Variants in KIF11 observed in about 807,000 individuals in gnomAD.
The protein encoded by KIF11 is kinesin-like protein KIF11.
Under a neutral mutation model 121.0 loss-of-function variants are expected in KIF11, and 9 were observed. That is an observed-to-expected ratio of 0.07 (90% CI 0.04 to 0.13). The LOEUF (loss-of-function observed/expected upper bound fraction) is 0.13, where lower values mean the gene tolerates loss of function less well. Ranked by LOEUF, KIF11 falls within the 10% of genes least tolerant of loss-of-function variation. The pLI, the probability that KIF11 is intolerant of heterozygous loss-of-function variation, is 1.00. For synonymous variants in KIF11, 408 were observed against 421.0 expected (o/e 0.97, Z 0.38); for missense variants, 846 against 1,217.5 (o/e 0.69, Z 4.54).
intron 10 of KIF11, among the ~76,000 whole-genome samples, chr10:92,622,104 C>T (rs1844623606): frequency 1.3e-5 from 2 of 151,714 alleles, no homozygotes; most frequent in Non-Finnish European, 2.9e-5. Context: ...GGAGAAACCC[C>T]ATCACTACTA....
chr10:92,624,530 C>T (rs1844651222), intron 10 of KIF11, among the ~76,000 whole-genome samples: 1 of 152,068 alleles, frequency 6.6e-6, no homozygotes, highest in East Asian at 1.9e-4. Flanking sequence ...TGTGCCACTG[C>T]ACCCAGCCAT....
chr10:92,606,402 CAT>C lies in KIF11; in HGVS notation c.210+8_210+9del, dbSNP rs1844431450. The C allele has an allele frequency of 1.3e-6, 2 of 1,584,456 alleles. No individual in the cohort carries two copies. The highest frequency in any genetic ancestry group is 1.7e-6 in the Non-Finnish European group (2 of 1,171,172). Reference sequence around the variant, plus strand: ...AAAACATACACTTTTGATATGGTAACATATGGTGCAATTTCTTTATTATCCAC... The same window carrying C: ...AAAACATACACTTTTGATATGGTAACATGGTGCAATTTCTTTATTATCCAC... On this transcript the variant is annotated splice_donor_region_variant and intron_variant, in intron 2 of 21. Transcript: ENST00000260731.
intron 8 of KIF11, among the ~76,000 whole-genome samples, chr10:92,615,842 G>GTTTTTTTTTT (rs71481176): frequency 1.5e-5 from 2 of 129,976 alleles, no homozygotes; most frequent in Non-Finnish European, 3.3e-5. Flanking sequence ...GGATTTTTTT[G>GTTTTTTTTTT]TTTTTTTTTT....
Position 92,607,029 on chromosome 10 carries a change from G to A in KIF11, c.309-130G>A, listed in dbSNP as rs189716762. ...GGACCTCAGGTGATCCGCCCACCTC[G>A]GCCTCCCAAAGTGTTGGGATTATAG... On this transcript the variant is annotated intron_variant, in intron 3 of 21. Transcript: ENST00000260731. The A allele has an allele frequency of 2.2e-4, 139 of 627,466 alleles. No homozygotes were observed. In the Middle Eastern group the frequency reaches 2.6e-3, roughly 12 times the overall value. 38.9% of individuals were successfully genotyped at this position (627,466 alleles called of 1,614,324 possible).
At chr10:92,618,822 T>C (rs918971472) in intron 9 of KIF11, among the ~76,000 whole-genome samples, 1 of 152,260 alleles carries the variant, frequency 6.6e-6, no homozygotes, top group African/African-American at 2.4e-5. Context: ...TATAGGTTCA[T>C]GTATTTACCA....
At chr10:92,652,397 C>T (rs180752403) in intron 21 of KIF11, among the ~76,000 whole-genome samples, 18 of 152,248 alleles carry the variant, frequency 1.2e-4, no homozygotes, top group Admixed American at 5.2e-4. Context: ...GCCTCGGCCT[C>T]CCAAAGTGCT....
chr10:92,616,654 G>T, intron 8 of KIF11, 83 bp from the exon 9 acceptor site: 1 of 675,578 alleles, frequency 1.5e-6, no homozygotes, highest in South Asian at 1.9e-5. Context: ...TTACTTGTAA[G>T]TTATTATATA....
At chr10:92,601,708 AT>A (rs35982149) in intron 1 of KIF11, among the ~76,000 whole-genome samples, 22,357 of 141,730 alleles carry the variant, frequency 0.16, 3,443 homozygotes, top group African/African-American at 0.41. Flanking sequence ...TAAAAAAATA[AT>A]TTTTTTTTTT....
rs934042053 is a variant in KIF11 at position 92,645,536 on chromosome 10, A to T, written c.2441A>T (p.Glu814Val). 3 of 1,613,664 alleles carry T rather than the reference A, an allele frequency of 1.9e-6. No homozygotes were observed. Among genetic ancestry groups the T allele is most frequent in the Non-Finnish European group, 2.5e-6 (3 of 1,179,556 alleles). Residue 814 changes from glutamate (E) to valine (V), a missense_variant, in exon 18 of 22, where the codon GAG becomes GTG. Physicochemically the swap from Glu to Val is moderately radical, Grantham distance 121. Coordinates refer to ENST00000260731, the MANE Select transcript of KIF11 (RefSeq NM_004523.4). ...GGCAACCTGGAAAAAATATCTCAAGAGACTGAACAGAGATGTGAATCTCTG... is the reference window on the plus strand; with the variant it reads ...GGCAACCTGGAAAAAATATCTCAAGTGACTGAACAGAGATGTGAATCTCTG... ...LNGNLEKISQ[E>V]TEQRCESLNT... is the part of the protein sequence containing the mutation.
intron 10 of KIF11, among the ~76,000 whole-genome samples, chr10:92,627,510 CTTTTA>C (rs996294621): frequency 2.6e-5 from 4 of 152,216 alleles, no homozygotes; most frequent in South Asian, 2.1e-4. Flanking sequence ...ATATAGCATC[CTTTTA>C]TTTTATAGAT....
At chr10:92,606,502 G>A in intron 2 of KIF11, 105 bp downstream of exon 2, 1 of 1,192,028 alleles carries the variant, frequency 8.4e-7, no homozygotes, top group Non-Finnish European at 1.2e-6. Context: ...AGTTGTCTCT[G>A]AATTGTCAGA....
At position 92,609,176 on chromosome 10, in the gene KIF11, C is replaced by T; in HGVS notation, c.544C>T (p.Leu182=). Residue 182 remains leucine, a synonymous_variant, in exon 5 of 22, where the codon CTA becomes TTA. Transcript: ENST00000260731. ...LNPSSDVSER[L]QMFDDPRNKR... ...TCCATCATCTGATGTTTCTGAGAGA[C>T]TACAGATGTTTGATGATCCCCGTAA... 1 of 1,577,688 alleles carries T rather than the reference C, an allele frequency of 6.3e-7. No individual in the cohort carries two copies. The highest frequency in any genetic ancestry group is 1.4e-5 in the African/African-American group (1 of 73,090).
rs1564707747 is a variant in KIF11, at chr10:92,616,717, A to ACCTTT, written c.1033-12_1033-8dup. On this transcript the variant is annotated intron_variant, in intron 8 of 21. Coordinates refer to ENST00000260731, the MANE Select transcript of KIF11 (RefSeq NM_004523.4). ...ATTCTCACAATATCTTCAGTAATTG[A>ACCTTT]CCTTTCCTTTCCATGACAGGAAACT... The ACCTTT allele has an allele frequency of 3.1e-6, 4 of 1,296,108 alleles. No homozygotes were observed. In the South Asian group the frequency reaches 3.6e-5, roughly 12 times the overall value. 80.3% of individuals were successfully genotyped at this position (1,296,108 alleles called of 1,614,324 possible).
chr10:92,611,434 G>T (rs778761200), intron 6 of KIF11, among the ~76,000 whole-genome samples: 14 of 151,696 alleles, frequency 9.2e-5, no homozygotes, highest in Non-Finnish European at 1.5e-4. Flanking sequence ...GGTTGGTCTC[G>T]ATCTCCTGAC....
chr10:92,611,688 C>T (rs2135904156), intron 6 of KIF11, among the ~76,000 whole-genome samples: 1 of 152,168 alleles, frequency 6.6e-6, no homozygotes, highest in African/African-American at 2.4e-5. Flanking sequence ...CACTTGAGGT[C>T]CGGAGTTCAA....
chr10:92,603,056 C>T (rs1293856950), intron 1 of KIF11, among the ~76,000 whole-genome samples: 1 of 151,648 alleles, frequency 6.6e-6, no homozygotes, highest in East Asian at 2.0e-4. Flanking sequence ...CATCTACCTG[C>T]TTTTACTTCA....
chr10:92,638,741 A>G (rs1844834580), intron 16 of KIF11, among the ~76,000 whole-genome samples: 1 of 152,230 alleles, frequency 6.6e-6, no homozygotes, highest in Admixed American at 6.5e-5. Context: ...AGATAAATAT[A>G]ATACCTGCAT....
chr10:92,644,345 T>C (rs1366969415), intron 17 of KIF11, among the ~76,000 whole-genome samples: 2 of 152,114 alleles, frequency 1.3e-5, no homozygotes, highest in African/African-American at 4.8e-5. Context: ...AGACAGAGTC[T>C]TGCTCTGTCG....
intron 18 of KIF11, among the ~76,000 whole-genome samples, chr10:92,647,720 TA>T (rs1844935056): frequency 6.6e-6 from 1 of 152,150 alleles, no homozygotes; most frequent in African/African-American, 2.4e-5. Flanking sequence ...GTCCTGTTGG[TA>T]AATGTCTGTA....
Sources: gnomAD v4.1 joint callset for allele counts (sites outside exome capture counted in the v4.1 genomes callset) on GRCh38, gnomAD v4.1.1 for gene constraint, MANE v1.5 for transcripts, NCBI Gene and HGNC (gene_info 2026-07-23, HGNC 2026-07-21) for gene names.